Variants in NKAP observed in about 807,000 individuals in gnomAD.
NKAP encodes NFKB activating protein.
In NKAP, 4 loss-of-function variants were observed where a neutral mutation model predicts 35.6. The ratio of observed to expected loss-of-function variants is 0.11; its 90% CI spans 0.06 to 0.26. The LOEUF is 0.26. Ranked by LOEUF, NKAP falls within the 10% of genes least tolerant of loss-of-function variation. The probability of loss-of-function intolerance (pLI) is 1.00; values close to 1 mark genes in which losing one functional copy is unlikely to be tolerated. For missense variants in NKAP, 238 were observed against 321.9 expected, an observed-to-expected ratio of 0.74 and a Z score of 1.99; for synonymous variants, 106 against 119.2, an observed-to-expected ratio of 0.89 and a Z score of 0.72.
chrX:119,929,932 A>G, intron 8 of NKAP, 84 bp downstream of exon 8: 1 of 981,071 alleles, frequency 1.0e-6, no homozygotes, highest in Non-Finnish European at 1.4e-6. Context: ...CTTAATGAAA[A>G]TCAATTACCA....
At chrX:119,936,562 C>T (rs770724864) in intron 3 of NKAP, 50 bp downstream of exon 3, 1 of 1,043,285 alleles carries the variant, frequency 9.6e-7, no homozygotes, top group South Asian at 2.1e-5. Context: ...TTTTTTAAAT[C>T]TCTCAATAAA....
intron 8 of NKAP, among the ~76,000 whole-genome samples, chrX:119,926,049 C>T (rs1230862059): frequency 3.2e-5 from 3 of 94,654 alleles, no homozygotes; most frequent in African/African-American, 1.2e-4. Context: ...CTCCGCTTCC[C>T]GGGTTCACGC....
intron 8 of NKAP, among the ~76,000 whole-genome samples, chrX:119,929,045 T>TA (rs1203733974): frequency 9.0e-6 from 1 of 110,682 alleles, no homozygotes; most frequent in African/African-American, 3.3e-5. Flanking sequence ...TACAGGTGTG[T>TA]ACCACCACGT....
chrX:119,943,035 G>T, intron 1 of NKAP, 185 bp downstream of exon 1: 1 of 537,447 alleles, frequency 1.9e-6, no homozygotes, highest in Non-Finnish European at 2.9e-6. Context: ...GAAGGGGCCT[G>T]AGGGTAAGGG....
rs185066741 is a variant in NKAP, at chrX:119,936,221, C to A, written c.673+76G>T. On this transcript the variant is annotated intron_variant, in intron 4 of 8. Coordinates refer to ENST00000371410, the MANE Select transcript of NKAP (RefSeq NM_024528.4). ...TCAGTATTATTATTGTTTTCAGGAA[C>A]CTTCTTCTAAAATAAGTTTTAAGAA... 225 of 1,082,766 alleles carry A rather than the reference C, an allele frequency of 2.1e-4. No individual in the cohort carries two copies. In the African/African-American group the frequency reaches 3.8e-3, roughly 19 times the overall value. 89.2% of individuals were successfully genotyped at this position (1,082,766 alleles called of 1,213,427 possible). A position where few individuals can be genotyped will look rare whatever the true frequency, so the allele number is the denominator to read the frequency against.
At chrX:119,942,968 A>G (rs1349258524) in intron 1 of NKAP, 9 of 360,558 alleles carry the variant, frequency 2.5e-5, no homozygotes, top group Non-Finnish European at 3.8e-5. Context: ...ACTCTCGGCA[A>G]TATTCGCTAA....
chrX:119,927,103 A>AATTG (rs2147844040), intron 8 of NKAP, among the ~76,000 whole-genome samples: 1 of 105,269 alleles, frequency 9.5e-6, no homozygotes, highest in East Asian at 3.0e-4. Flanking sequence ...CTAAATCTGT[A>AATTG]ATTGAACAGC....
At chrX:119,928,463 C>A (rs2056725548) in intron 8 of NKAP, among the ~76,000 whole-genome samples, 1 of 112,173 alleles carries the variant, frequency 8.9e-6, no homozygotes, top group Non-Finnish European at 1.9e-5. Flanking sequence ...ACCTTATATC[C>A]AACCAGTTGT....
At chrX:119,926,366 A>G (rs1164301180) in intron 8 of NKAP, among the ~76,000 whole-genome samples, 2 of 110,625 alleles carry the variant, frequency 1.8e-5, no homozygotes, top group Admixed American at 1.9e-4. Flanking sequence ...TCCTGGGCTC[A>G]AGTGATTCCC....
chrX:119,941,616 CTT>C (rs1355082168), intron 1 of NKAP, among the ~76,000 whole-genome samples: 2 of 108,562 alleles, frequency 1.8e-5, no homozygotes, highest in Admixed American at 9.9e-5. Context: ...CTGTTCTTCT[CTT>C]TGTTTTTTTT....
intron 2 of NKAP, chrX:119,937,607 CAAAAAAAAAAA>C (rs34687968): frequency 1.9e-5 from 1 of 51,305 alleles, no homozygotes; most frequent in East Asian, 6.2e-4. Context: ...GACTCTGTCT[CAAAAAAAAAAA>C]AAAAAAAAAG....
chrX:119,926,542 C>T (rs1483747336), intron 8 of NKAP, among the ~76,000 whole-genome samples: 1 of 111,003 alleles, frequency 9.0e-6, no homozygotes, highest in Non-Finnish European at 1.9e-5. Flanking sequence ...GCTGGGATTA[C>T]AGGTGTGAGC....
At chrX:119,935,079 C>T (rs1017283099) in intron 4 of NKAP, among the ~76,000 whole-genome samples, 1 of 111,153 alleles carries the variant, frequency 9.0e-6, no homozygotes, top group Non-Finnish European at 1.9e-5. Context: ...TTTCCTGGAG[C>T]TCAGTCTAAT....
At chrX:119,933,030 G>A (rs999244289) in intron 5 of NKAP, among the ~76,000 whole-genome samples, 13 of 110,838 alleles carry the variant, frequency 1.2e-4, no homozygotes, top group African/African-American at 3.6e-4. Flanking sequence ...CAGTTCTGAT[G>A]TTGTAGAAAG....
At position 119,922,657 on chromosome X, in the gene NKAP, G is replaced by C. The variant is rs2056693155; in HGVS notation, c.*2563C>G. The C allele has an allele frequency of 9.0e-6, 1 of 111,213 alleles. No individual in the cohort carries two copies. The highest frequency in any genetic ancestry group is 1.9e-5 in the Non-Finnish European group (1 of 53,039). The allele number at this position is 111,213 out of a possible 1,213,427, so 9.2% of individuals were successfully genotyped here. ...GTGGAGGATTGCTTGAGCCCAGGAG[G>C]TGGAGGTTGCAGTGAGCCGAGATTG... On this transcript the variant is annotated 3_prime_UTR_variant, in exon 9 of 9. Transcript: ENST00000371410.
In NKAP at chrX:119,943,614, G is replaced by C; in HGVS notation, c.-9C>G. On this transcript the variant is annotated 5_prime_UTR_variant, in exon 1 of 9. Transcript: ENST00000371410. ...CCGGACACCGGAGCCATGGCTACTGGGGGGCCCCAGCAGCCGTGGGACAAG... is the reference window on the plus strand; with the variant it reads ...CCGGACACCGGAGCCATGGCTACTGCGGGGCCCCAGCAGCCGTGGGACAAG... 1 of 1,161,265 alleles carries C rather than the reference G, an allele frequency of 8.6e-7. No individual in the cohort carries two copies. The highest frequency in any genetic ancestry group is 1.1e-6 in the Non-Finnish European group (1 of 870,468).
chrX:119,929,486 C>T (rs2056730746), intron 8 of NKAP, among the ~76,000 whole-genome samples: 1 of 112,175 alleles, frequency 8.9e-6, no homozygotes, highest in Non-Finnish European at 1.9e-5. Context: ...ATATTCATTT[C>T]CCATGCTGAA....
chrX:119,927,426 C>T (rs1282956229), intron 8 of NKAP, among the ~76,000 whole-genome samples: 1 of 111,546 alleles, frequency 9.0e-6, no homozygotes, highest in Non-Finnish European at 1.9e-5. Context: ...CTCACTACAA[C>T]CTCCACCTCA....
At chrX:119,927,979 C>CTCT (rs762638172) in intron 8 of NKAP, among the ~76,000 whole-genome samples, 1 of 112,208 alleles carries the variant, frequency 8.9e-6, no homozygotes, top group Non-Finnish European at 1.9e-5. Flanking sequence ...TACCTTCTTG[C>CTCT]TCTTCTTCTT....
Sources: gnomAD v4.1 joint callset for allele counts (sites outside exome capture counted in the v4.1 genomes callset) on GRCh38, gnomAD v4.1.1 for gene constraint, MANE v1.5 for transcripts, NCBI Gene and HGNC (gene_info 2026-07-23, HGNC 2026-07-21) for gene names.